The following LRRTM4 variants were observed in gnomAD, a reference collection of about 807,000 sequenced individuals.
LRRTM4 encodes leucine rich repeat transmembrane neuronal 4, also known as leucine-rich repeat transmembrane neuronal protein 4.
A neutral mutation model predicts 47.6 loss-of-function variants in LRRTM4; 25 were observed. The ratio of observed to expected loss-of-function variants is 0.53; its 90% CI spans 0.38 to 0.73. The LOEUF (loss-of-function observed/expected upper bound fraction) is 0.73. LRRTM4 is among the 30% of genes least tolerant of loss of function. The pLI, the probability that LRRTM4 is intolerant of heterozygous loss-of-function variation, is 0.00. For missense variants in LRRTM4, 638 were observed against 713.4 expected, an observed-to-expected ratio of 0.89 and a Z score of 1.20; for synonymous variants, 311 against 269.5, an observed-to-expected ratio of 1.15 and a Z score of -1.51.
intron 3 of LRRTM4, among the ~76,000 whole-genome samples, chr2:76,874,542 A>G (rs1407532570): frequency 6.6e-6 from 1 of 152,038 alleles, no homozygotes; most frequent in Non-Finnish European, 1.5e-5. Flanking sequence ...CTGATTAAAT[A>G]TTGAAAATAT....
rs546670446 is a variant in LRRTM4 at position 76,791,317 on chromosome 2, T to C, written c.1552-42401A>G. ...TTCAATAATATTGGGAACCATCATT[T>C]ATCTGAAGACACTTGCTCCAACATT... On this transcript the variant is annotated intron_variant, in intron 3 of 3. Transcript: ENST00000409884. Among the ~76,000 whole-genome samples the C allele has an allele frequency of 3.3e-5, 5 of 152,332 alleles. No homozygotes were observed. In the East Asian group the frequency reaches 9.6e-4, roughly 29 times the overall value.
chr2:77,061,150 T>A (rs1206016113), intron 3 of LRRTM4, among the ~76,000 whole-genome samples: 1 of 152,076 alleles, frequency 6.6e-6, no homozygotes, highest in Non-Finnish European at 1.5e-5. Context: ...TAAAATGAGT[T>A]GATTTTAGTA....
At chr2:77,006,530 G>A (rs1161850872) in intron 3 of LRRTM4, among the ~76,000 whole-genome samples, 2 of 152,136 alleles carry the variant, frequency 1.3e-5, no homozygotes, top group Non-Finnish European at 2.9e-5. Context: ...GCAAAGTCCT[G>A]TATTCAATGC....
chr2:77,088,455 C>G (rs1195470280), intron 3 of LRRTM4, among the ~76,000 whole-genome samples: 7 of 152,130 alleles, frequency 4.6e-5, no homozygotes, highest in African/African-American at 1.4e-4. Context: ...AAAAGCACCC[C>G]GACTGAGCAC....
chr2:77,158,670 G>A (rs149444256), intron 3 of LRRTM4, among the ~76,000 whole-genome samples: 99 of 151,790 alleles, frequency 6.5e-4, no homozygotes, highest in African/African-American at 2.1e-3. Context: ...ATATTTTGTT[G>A]TTTTACATAC....
At chr2:76,781,721 G>T (rs971853682) in intron 3 of LRRTM4, among the ~76,000 whole-genome samples, 3 of 151,354 alleles carry the variant, frequency 2.0e-5, no homozygotes, top group South Asian at 2.1e-4. Context: ...CCTCTGCGTC[G>T]CTCACGCTGG....
chr2:76,772,226 G>A (rs1159139166), intron 3 of LRRTM4, among the ~76,000 whole-genome samples: 1 of 152,120 alleles, frequency 6.6e-6, no homozygotes, highest in Admixed American at 6.5e-5. Flanking sequence ...GACACATTGA[G>A]AAGACGGCCA....
chr2:77,190,990 T>C (rs938041272), intron 3 of LRRTM4, among the ~76,000 whole-genome samples: 3 of 152,166 alleles, frequency 2.0e-5, no homozygotes, highest in African/African-American at 7.2e-5. Flanking sequence ...AATATTAGGT[T>C]GGTGTGAAAT....
chr2:76,795,579 GCA>G (rs753196049), intron 3 of LRRTM4, among the ~76,000 whole-genome samples: 3 of 91,936 alleles, frequency 3.3e-5, no homozygotes, highest in African/African-American at 5.7e-5. Flanking sequence ...GCATATATAT[GCA>G]CACACACACA....
At chr2:76,946,936 G>C (rs994929541) in intron 3 of LRRTM4, among the ~76,000 whole-genome samples, 7 of 151,844 alleles carry the variant, frequency 4.6e-5, no homozygotes, top group Admixed American at 3.3e-4. Flanking sequence ...CTGGACAGAA[G>C]GAAGAAAGGC....
chr2:77,320,124 T>C (rs1677745558), intron 3 of LRRTM4, among the ~76,000 whole-genome samples: 1 of 151,416 alleles, frequency 6.6e-6, no homozygotes, highest in Non-Finnish European at 1.5e-5. Context: ...TACTACGTAC[T>C]CTGAGGCCTC....
rs149491698 is a variant in LRRTM4 at position 76,946,876 on chromosome 2, TATTTGAA to T, written c.1552-197967_1552-197961del. Among the ~76,000 whole-genome samples the T allele has an allele frequency of 1.6e-3, 248 of 152,012 alleles. 1 individual carries two copies. Among genetic ancestry groups the T allele is most frequent in the Non-Finnish European group, 3.0e-3 (202 of 67,830 alleles). ...ATGGAAGAAATTATTTATGCGCCAT[TATTTGAA>T]ATATGTCTGGTCTGCCAAATGAGGC... On this transcript the variant is annotated intron_variant, in intron 3 of 3. Coordinates refer to ENST00000409884, the MANE Select transcript of LRRTM4 (RefSeq NM_001134745.3).
rs1257057621 is a variant in LRRTM4, at chr2:76,779,202, AGGTGT to A, written c.1552-30291_1552-30287del. On this transcript the variant is annotated intron_variant, in intron 3 of 3. Transcript: ENST00000409884. ...CCAAGTATGTGGTCATGTTTGGAAT[AGGTGT>A]GGTGTGGTGCTGAAAAAAATGTATA... Among the ~76,000 whole-genome samples the A allele has an allele frequency of 4.3e-3, 646 of 151,578 alleles. 7 individuals are homozygous for A. The highest frequency in any genetic ancestry group is 0.017 in the Middle Eastern group (5 of 294).
chr2:76,815,951 TC>T (rs1670885081), intron 3 of LRRTM4, among the ~76,000 whole-genome samples: 1 of 152,100 alleles, frequency 6.6e-6, no homozygotes, highest in Admixed American at 6.6e-5. Flanking sequence ...AAAATACACT[TC>T]TAAATTTTAT....
chr2:77,431,035 GCAGCCCTC>G lies in LRRTM4; in HGVS notation c.1551+87275_1551+87282del, dbSNP rs1675355024. Among the ~76,000 whole-genome samples, 3 of 148,890 alleles carry G rather than the reference GCAGCCCTC, an allele frequency of 2.0e-5. No individual in the cohort carries two copies. In the South Asian group the frequency reaches 6.2e-4, roughly 31 times the overall value. On this transcript the variant is annotated intron_variant, in intron 3 of 3. Transcript: ENST00000409884. The stretch of plus-strand genomic sequence containing the variant: ...CCTTTAGACTCTGGAACTGGCATGA[GCAGCCCTC>G]CAGCATCTCAGGTCTTCTGCCTAGG...
chr2:76,968,436 C>A lies in LRRTM4; in HGVS notation c.1552-219520G>T, dbSNP rs573062210. 4.3e-5 allele frequency among the ~76,000 whole-genome samples: 6 copies of A among 139,830 alleles called. No homozygotes were observed. In the South Asian group the frequency reaches 1.4e-3, roughly 32 times the overall value. 91.7% of individuals were successfully genotyped at this position (139,830 alleles called of 152,430 possible). ...GTAAAATCCCATTAATTTTCTTTTG[C>A]ATTCCCTTTTCTCTCTCTGCTGCCT... On this transcript the variant is annotated intron_variant, in intron 3 of 3. Coordinates refer to ENST00000409884, the MANE Select transcript of LRRTM4 (RefSeq NM_001134745.3).
At chr2:77,290,757 C>T (rs1287297418) in intron 3 of LRRTM4, among the ~76,000 whole-genome samples, 1 of 151,984 alleles carries the variant, frequency 6.6e-6, no homozygotes, top group Non-Finnish European at 1.5e-5. Context: ...CACAACAGAG[C>T]CATACCTGTA....
At chr2:77,480,303 C>T (rs1043970477) in intron 3 of LRRTM4, among the ~76,000 whole-genome samples, 4 of 152,110 alleles carry the variant, frequency 2.6e-5, no homozygotes, top group Admixed American at 6.5e-5. Flanking sequence ...ATCTCCAACA[C>T]GATTGCAGGG....
At chr2:77,404,562 A>C (rs1055225234) in intron 3 of LRRTM4, among the ~76,000 whole-genome samples, 1 of 152,120 alleles carries the variant, frequency 6.6e-6, no homozygotes, top group African/African-American at 2.4e-5. Flanking sequence ...CCGTAGAAGG[A>C]CAGGAAAATG....
Sources: gnomAD v4.1 joint callset for allele counts (sites outside exome capture counted in the v4.1 genomes callset) on GRCh38, gnomAD v4.1.1 for gene constraint, MANE v1.5 for transcripts, NCBI Gene and HGNC (gene_info 2026-07-23, HGNC 2026-07-21) for gene names.